FRMD6: variants seen among roughly 807,000 people sequenced by gnomAD.
The protein encoded by FRMD6 is FERM domain containing 6, also known as FERM domain-containing protein 6.
A neutral mutation model predicts 73.2 loss-of-function variants in FRMD6; 37 were observed. The observed-to-expected ratio is 0.51, with a 90% CI of 0.39 to 0.66. The LOEUF is 0.66. Among genes scored for constraint, FRMD6 ranks in the 30% least tolerant of loss-of-function variants. FRMD6 has a pLI of 0.00. For synonymous variants in FRMD6, 273 were observed against 282.2 expected, an observed-to-expected ratio of 0.97 and a Z score of 0.33; for missense variants, 714 against 780.5, an observed-to-expected ratio of 0.91 and a Z score of 1.02.
chr14:51,676,524 T>C (rs918454694), intron 1 of FRMD6, among the ~76,000 whole-genome samples: 1 of 152,176 alleles, frequency 6.6e-6, no homozygotes, highest in African/African-American at 2.4e-5. Context: ...GATTCATCTT[T>C]TGTGAAATGT....
chr14:51,433,472 G>A, the FRMD6 span, among the ~76,000 whole-genome samples: 2 of 152,126 alleles, frequency 1.3e-5, no homozygotes, highest in Non-Finnish European at 2.9e-5. Flanking sequence ...TGCTTGATGT[G>A]AGAAAAAATG....
chr14:51,722,198 C>T, intron 12 of FRMD6, 118 bp downstream of exon 12: 1 of 980,038 alleles, frequency 1.0e-6, no homozygotes, highest in Non-Finnish European at 1.5e-6. Context: ...CTGGACTGCA[C>T]TAAGAGTCTC....
chr14:51,657,475 A>AT (rs1161173985), intron 1 of FRMD6, among the ~76,000 whole-genome samples: 10 of 152,320 alleles, frequency 6.6e-5, no homozygotes, highest in Middle Eastern at 3.4e-3. Flanking sequence ...TAAAATACAC[A>AT]TTTTTTGGTC....
chr14:51,675,975 G>A (rs1894361610), intron 1 of FRMD6, among the ~76,000 whole-genome samples: 1 of 151,972 alleles, frequency 6.6e-6, no homozygotes, highest in Admixed American at 6.6e-5. Context: ...GGTTTTATTA[G>A]CATTTGGGTA....
intron 1 of FRMD6, among the ~76,000 whole-genome samples, chr14:51,682,552 A>G (rs1395077851): frequency 6.6e-6 from 1 of 152,148 alleles, no homozygotes; most frequent in Non-Finnish European, 1.5e-5. Context: ...CTGGCTCACT[A>G]TATGAGAATT....
At chr14:51,450,337 G>A in the FRMD6 span, among the ~76,000 whole-genome samples, 1 of 152,312 alleles carries the variant, frequency 6.6e-6, no homozygotes, top group Non-Finnish European at 1.5e-5. Flanking sequence ...ATATTAGATA[G>A]AAATCTAGAC....
intron 2 of FRMD6, among the ~76,000 whole-genome samples, chr14:51,631,702 T>G (rs1283316036): frequency 1.3e-5 from 2 of 152,220 alleles, no homozygotes; most frequent in Non-Finnish European, 2.9e-5. Flanking sequence ...GTCTTCAAAT[T>G]TTAGGGCTTT....
intron 1 of FRMD6, among the ~76,000 whole-genome samples, chr14:51,513,622 CAT>C (rs1491575743): frequency 1.3e-4 from 2 of 15,442 alleles, no homozygotes; most frequent in African/African-American, 4.1e-4. Context: ...TGAATCTCTA[CAT>C]TTTTTTTTTT....
chr14:51,475,406 C>G, the FRMD6 span, among the ~76,000 whole-genome samples: 2 of 152,114 alleles, frequency 1.3e-5, no homozygotes, highest in African/African-American at 2.4e-5. Context: ...ACTTTTGCTA[C>G]GAGCTGATTT....
the FRMD6 span, among the ~76,000 whole-genome samples, chr14:51,442,689 T>G: frequency 6.6e-6 from 1 of 152,348 alleles, no homozygotes; most frequent in South Asian, 2.1e-4. Context: ...TCAGGAAATG[T>G]TTGTTGACAT....
intron 2 of FRMD6, among the ~76,000 whole-genome samples, chr14:51,592,230 G>C (rs1009366079): frequency 1.3e-5 from 2 of 152,194 alleles, no homozygotes; most frequent in African/African-American, 4.8e-5. Context: ...TCCATTGAGA[G>C]TTTTAGACCC....
the FRMD6 span, among the ~76,000 whole-genome samples, chr14:51,464,848 G>A: frequency 2.8e-3 from 419 of 152,248 alleles, no homozygotes; most frequent in African/African-American, 7.9e-3. Context: ...GAAGCAGGGG[G>A]CTGGAGGGTT....
intron 2 of FRMD6, among the ~76,000 whole-genome samples, chr14:51,634,641 A>G (rs80129616): frequency 0.04 from 6,054 of 152,296 alleles, 417 homozygotes; most frequent in African/African-American, 0.14. Context: ...ACTAAAATAC[A>G]TAAATGTTAG....
the FRMD6 span, among the ~76,000 whole-genome samples, chr14:51,480,944 C>G: frequency 6.6e-6 from 1 of 152,138 alleles, no homozygotes. Flanking sequence ...ACCCATTGTT[C>G]AATAAATGCT....
chr14:51,624,886 C>T (rs754376628), intron 2 of FRMD6, among the ~76,000 whole-genome samples: 1 of 152,144 alleles, frequency 6.6e-6, no homozygotes, highest in African/African-American at 2.4e-5. Context: ...TTAAAACTCA[C>T]TAAAATAACT....
chr14:51,476,963 G>T, the FRMD6 span, among the ~76,000 whole-genome samples: 1 of 152,208 alleles, frequency 6.6e-6, no homozygotes, highest in Non-Finnish European at 1.5e-5. Flanking sequence ...AAATTAAGGA[G>T]TGAAAGGATT....
intron 2 of FRMD6, among the ~76,000 whole-genome samples, chr14:51,580,616 T>G (rs1048171866): frequency 6.6e-6 from 1 of 152,116 alleles, no homozygotes; most frequent in African/African-American, 2.4e-5. Context: ...TACCCTTTGA[T>G]TTTTGAGAGT....
chr14:51,673,201 A>G (rs374884566), intron 1 of FRMD6, among the ~76,000 whole-genome samples: 44 of 151,968 alleles, frequency 2.9e-4, no homozygotes, highest in African/African-American at 1.0e-3. Flanking sequence ...GCCCAGCTCT[A>G]TGTGAGCTGT....
At chr14:51,442,938 T>C in the FRMD6 span, among the ~76,000 whole-genome samples, 1 of 152,174 alleles carries the variant, frequency 6.6e-6, no homozygotes, top group African/African-American at 2.4e-5. Flanking sequence ...ATAGCAGAAA[T>C]CACCAGTGCC....
Sources: allele counts gnomAD v4.1 joint callset (sites outside exome capture counted in the v4.1 genomes callset), GRCh38; gene constraint gnomAD v4.1.1; transcripts MANE v1.5; gene names NCBI Gene and HGNC (gene_info 2026-07-23, HGNC 2026-07-21).